LOXHD1: variants seen among roughly 807,000 people sequenced by gnomAD.
LOXHD1 encodes lipoxygenase homology domain-containing protein 1.
LOXHD1 carries 205 observed loss-of-function variants against 248.2 expected under a neutral mutation model. That is an observed-to-expected ratio of 0.83 (90% CI 0.74 to 0.93). The LOEUF (loss-of-function observed/expected upper bound fraction) is 0.93. Ranked by LOEUF, LOXHD1 falls within the 40% of genes least tolerant of loss-of-function variation. The pLI, the probability that LOXHD1 is intolerant of heterozygous loss-of-function variation, is 0.00. For synonymous variants in LOXHD1, 1,113 were observed against 1,162.8 expected, an observed-to-expected ratio of 0.96 and a Z score of 0.87; for missense variants, 2,930 against 2,971.6, an observed-to-expected ratio of 0.99 and a Z score of 0.33.
chr18:46,572,529 G>A (rs185501233), intron 14 of LOXHD1, among the ~76,000 whole-genome samples: 1 of 152,326 alleles, frequency 6.6e-6, no homozygotes, highest in East Asian at 1.9e-4. Flanking sequence ...ATGGGATGCA[G>A]TGAACAACAG....
At chr18:46,543,670 T>C (rs1188940790) in intron 23 of LOXHD1, among the ~76,000 whole-genome samples, 1 of 152,242 alleles carries the variant, frequency 6.6e-6, no homozygotes, top group Non-Finnish European at 1.5e-5. Context: ...GTGTGTGTTC[T>C]TTCACTGAGT....
At chr18:46,490,942 C>T (rs2033429433) in intron 37 of LOXHD1, among the ~76,000 whole-genome samples, 2 of 152,068 alleles carry the variant, frequency 1.3e-5, no homozygotes, top group South Asian at 4.1e-4. Flanking sequence ...TGCTGGCTGT[C>T]GAAGATTGAA....
rs1177885503 is a variant in LOXHD1, at chr18:46,604,118, CT to C, written c.870del (p.Ala291LeufsTer68). ...GKIQRDILVGGAETTAITYIV... is the reference protein window; with the variant it reads ...GKIQRDILVGXAETTAITYIV... The stretch of plus-strand genomic sequence containing the variant: ...TCTTCAAATCTACCTGTGGTCTCAG[CT>C]CCGCCCACTAAGATATCCCTTTGGA... On this transcript the variant is annotated frameshift_variant, in exon 7 of 41. Coordinates refer to ENST00000642948, the MANE Select transcript of LOXHD1 (RefSeq NM_001384474.1). LOFTEE classifies it high-confidence loss of function. 7 of 1,551,656 alleles carry C rather than the reference CT, an allele frequency of 4.5e-6. No individual in the cohort carries two copies. In the African/African-American group the frequency reaches 9.6e-5, roughly 21 times the overall value.
chr18:46,580,865 G>A (rs1385982545), intron 12 of LOXHD1, among the ~76,000 whole-genome samples: 1 of 152,130 alleles, frequency 6.6e-6, no homozygotes, highest in Non-Finnish European at 1.5e-5. Flanking sequence ...GTGTGTGGAT[G>A]CCTGATGTAT....
intron 12 of LOXHD1, among the ~76,000 whole-genome samples, chr18:46,583,776 G>A (rs1457649386): frequency 6.6e-6 from 1 of 151,966 alleles, no homozygotes; most frequent in Non-Finnish European, 1.5e-5. Context: ...AAAACAGTAT[G>A]GAGATTCCTC....
chr18:46,601,611 G>C, intron 7 of LOXHD1, 144 bp from the exon 8 acceptor site: 1 of 1,094,530 alleles, frequency 9.1e-7, no homozygotes, highest in East Asian at 2.6e-5. Context: ...TACTCCTCCA[G>C]ATGCCACCTA....
intron 32 of LOXHD1, among the ~76,000 whole-genome samples, chr18:46,521,493 T>C (rs1268604047): frequency 6.6e-6 from 1 of 152,240 alleles, no homozygotes; most frequent in Admixed American, 6.5e-5. Context: ...GGCGAGCCCT[T>C]AAAAAAGCAT....
At chr18:46,549,861 G>A (rs2037012300) in intron 21 of LOXHD1, among the ~76,000 whole-genome samples, 1 of 152,188 alleles carries the variant, frequency 6.6e-6, no homozygotes. Context: ...TGGGAACAGA[G>A]GTAGAGAAAA....
At chr18:46,595,233 C>G (rs2038239752) in intron 8 of LOXHD1, among the ~76,000 whole-genome samples, 1 of 152,066 alleles carries the variant, frequency 6.6e-6, no homozygotes. Context: ...TTAGATATTC[C>G]CAGGTAATAC....
intron 37 of LOXHD1, among the ~76,000 whole-genome samples, chr18:46,504,890 A>G (rs2034463229): frequency 6.6e-6 from 1 of 152,216 alleles, no homozygotes; most frequent in Non-Finnish European, 1.5e-5. Flanking sequence ...AGAAAGCGGT[A>G]TGCATCAAGG....
chr18:46,526,464 G>T lies in LOXHD1; in HGVS notation c.4531-1547C>A, dbSNP rs117465392. On this transcript the variant is annotated intron_variant, in intron 29 of 40. Coordinates refer to ENST00000642948, the MANE Select transcript of LOXHD1 (RefSeq NM_001384474.1). Reference sequence around the variant, plus strand: ...CTTTTATGTATAACAGTAATACCACGGAATGGCTTACCTATTTTCTATGGG... The same window carrying T: ...CTTTTATGTATAACAGTAATACCACTGAATGGCTTACCTATTTTCTATGGG... Among the ~76,000 whole-genome samples the T allele has an allele frequency of 9.8e-5, 15 of 152,346 alleles. No individual in the cohort carries two copies. In the East Asian group the frequency reaches 2.9e-3, roughly 29 times the overall value.
At chr18:46,652,979 C>T (rs1329439712) in intron 1 of LOXHD1, among the ~76,000 whole-genome samples, 1 of 152,212 alleles carries the variant, frequency 6.6e-6, no homozygotes, top group Non-Finnish European at 1.5e-5. Flanking sequence ...AGGCCAGGAG[C>T]AGTAGCTCAC....
chr18:46,605,623 A>C (rs2144297406), intron 6 of LOXHD1, among the ~76,000 whole-genome samples: 1 of 152,358 alleles, frequency 6.6e-6, no homozygotes, highest in Middle Eastern at 3.4e-3. Context: ...GAAAAAGAAA[A>C]GAAACCATCA....
chr18:46,498,196 C>T (rs1214693773), intron 37 of LOXHD1, among the ~76,000 whole-genome samples: 1 of 152,182 alleles, frequency 6.6e-6, no homozygotes, highest in African/African-American at 2.4e-5. Flanking sequence ...CTCTGGGCCA[C>T]CCAGCCTTGC....
At chr18:46,550,345 G>A (rs544859288) in intron 21 of LOXHD1, among the ~76,000 whole-genome samples, 21 of 151,924 alleles carry the variant, frequency 1.4e-4, no homozygotes, top group South Asian at 6.3e-4. Flanking sequence ...AGGCCGAGGC[G>A]GGTGGATCAT....
In LOXHD1 at chr18:46,572,148, T is replaced by C; in HGVS notation, c.1985A>G (p.Asp662Gly). 1 of 1,551,856 alleles carries C rather than the reference T, an allele frequency of 6.4e-7. No individual in the cohort carries two copies. Among genetic ancestry groups the C allele is most frequent in the African/African-American group, 1.4e-5 (1 of 73,170 alleles). The change falls in exon 15 of 41, where the codon GAT becomes GGT. Residue 662 changes from aspartate to glycine, a missense_variant. Physicochemically the swap from Asp to Gly is moderately conservative, Grantham distance 94. Transcript: ENST00000642948. ...TCGGACCAGCTGCCCATCATCCTTA[T>C]CCTTGTCCAACCACCTGGTGGGCAA... Reference protein sequence around the residue: ...EFPCLRWLDKDKDDGQLVREL... With the variant: ...EFPCLRWLDKGKDDGQLVREL...
chr18:46,522,403 A>C (rs1160532727), intron 31 of LOXHD1, 94 bp from the exon 32 acceptor site: 5 of 1,019,378 alleles, frequency 4.9e-6, no homozygotes, highest in Non-Finnish European at 5.8e-6. Context: ...CTCTGAGGGC[A>C]CTGATCTCAG....
Position 46,560,237 on chromosome 18 carries a change from C to T in LOXHD1, c.2907G>A (p.Glu969=), listed in dbSNP as rs886053831. The T allele has an allele frequency of 6.5e-6, 10 of 1,549,892 alleles. No individual in the cohort carries two copies. The Middle Eastern group carries it at 5.0e-4, about 78-fold the overall frequency. ...SSEESSSEEE[E]MEEEEEEEEF... ...CCTCCTCTTCCTCCTCTTCTTCCAT[C>T]TCCTCCTCCTCTGACGAGGACTCCT... Residue 969 remains glutamate, a synonymous_variant, in exon 19 of 41, where the codon GAG becomes GAA. Transcript: ENST00000642948.
chr18:46,579,777 C>A lies in LOXHD1; in HGVS notation c.1662G>T (p.Arg554=). 5 of 1,551,366 alleles carry A rather than the reference C, an allele frequency of 3.2e-6. No individual in the cohort carries two copies. Among genetic ancestry groups the A allele is most frequent in the Non-Finnish European group, 4.4e-6 (5 of 1,146,640 alleles). Residue 554 remains arginine (R), a synonymous_variant, in exon 13 of 41, where the codon CGG becomes CGT. Transcript: ENST00000642948. ...CACCTGTGCACACAGTCACATGGTA[C>A]CGGGCCACTGGCAGGCAGAGAGAGG... ...PTVRRIMGMA[R]YHVTVCTGEL...
Sources: gnomAD v4.1 joint callset for allele counts (sites outside exome capture counted in the v4.1 genomes callset) on GRCh38, gnomAD v4.1.1 for gene constraint, MANE v1.5 for transcripts, NCBI Gene and HGNC (gene_info 2026-07-23, HGNC 2026-07-21) for gene names.